Variants in C4orf50 observed in about 807,000 individuals in gnomAD.
The protein encoded by C4orf50 is uncharacterized protein C4orf50.
C4orf50 carries 80 observed loss-of-function variants against 77.2 expected under a neutral mutation model. The ratio of observed to expected loss-of-function variants is 1.04; its 90% CI spans 0.87 to 1.25. The LOEUF (loss-of-function observed/expected upper bound fraction) is 1.25, where lower values mean the gene tolerates loss of function less well. Ranked by LOEUF, C4orf50 falls within the 50% of genes most tolerant of loss-of-function variation. The pLI, the probability that C4orf50 is intolerant of heterozygous loss-of-function variation, is 0.00. For synonymous variants in C4orf50, 532 were observed against 465.3 expected (o/e 1.14, Z -1.84); for missense variants, 1,257 against 1,152.9 (o/e 1.09, Z -1.31).
At chr4:5,973,536 G>T in intron 31 of C4orf50, 123 bp downstream of exon 9, 1 of 826,202 alleles carries the variant, frequency 1.2e-6, no homozygotes, top group Non-Finnish European at 2.0e-6. Flanking sequence ...GTGTCTTCTT[G>T]GGTAGTGTCC....
chr4:5,954,946 G>A (rs189858159), downstream of C4orf50, among the ~76,000 whole-genome samples: 163 of 152,128 alleles, frequency 1.1e-3, no homozygotes, highest in Non-Finnish European at 1.7e-3. The surrounding 1 kb of genome is among the most constrained non-coding windows in gnomAD (Gnocchi z 4.7). Context: ...GAAACCTCTG[G>A]ACAGGCTCGT....
chr4:6,014,972 G>T lies in C4orf50; in HGVS notation c.288-3004C>A, dbSNP rs188648525. On this transcript the variant is annotated intron_variant, in intron 23 of 33. Coordinates refer to ENST00000531445, the Ensembl canonical transcript of C4orf50. The stretch of plus-strand genomic sequence containing the variant: ...CTGTCTTTCCCTCCCCCATGGAGGG[G>T]TCTCCTTTGGTTGGAGTTCCCTGCC... Among the ~76,000 whole-genome samples, 646 of 152,318 alleles carry T rather than the reference G, an allele frequency of 4.2e-3. 5 individuals are homozygous for T. Among genetic ancestry groups the T allele is most frequent in the South Asian group, 0.017 (84 of 4,820 alleles).
In C4orf50 at chr4:6,015,334, G is replaced by C. The variant is rs1444749681; in HGVS notation, c.287+2811C>G. On this transcript the variant is annotated intron_variant, in intron 23 of 33. Transcript: ENST00000531445. The surrounding 1 kb of genome is among the most constrained non-coding windows in gnomAD (Gnocchi z 4.4). ...AGAGGAGGACACAGACACACACAGA[G>C]GGATGACCATGTGACGACACAGGGA... is the stretch of plus-strand genomic sequence containing the variant. Among the ~76,000 whole-genome samples, 3 of 152,166 alleles carry C rather than the reference G, an allele frequency of 2.0e-5. No homozygotes were observed. Among genetic ancestry groups the C allele is most frequent in the Admixed American group, 6.5e-5 (1 of 15,276 alleles).
intron 7 of C4orf50, among the ~76,000 whole-genome samples, chr4:5,941,707 C>T (rs765491535): frequency 8.5e-5 from 13 of 152,158 alleles, no homozygotes; most frequent in African/African-American, 3.1e-4. Flanking sequence ...CACATTCTCT[C>T]CTATTTTCCT....
At chr4:5,939,774 C>T (rs550512067) in intron 7 of C4orf50, among the ~76,000 whole-genome samples, 47 of 152,268 alleles carry the variant, frequency 3.1e-4, no homozygotes, top group South Asian at 6.2e-4. Context: ...TGTCCCCAGA[C>T]TGCAGAAAAC....
At chr4:5,941,137 C>G (rs1333770122) in intron 7 of C4orf50, among the ~76,000 whole-genome samples, 1 of 152,194 alleles carries the variant, frequency 6.6e-6, no homozygotes, top group Non-Finnish European at 1.5e-5. Flanking sequence ...CTTCTTTCTT[C>G]TAATTAATAA....
In C4orf50 at chr4:5,909,905, C is replaced by T. The variant is rs28505025; in HGVS notation, c.*2475-11717G>A. Among the ~76,000 whole-genome samples, 483 of 152,240 alleles carry T rather than the reference C, an allele frequency of 3.2e-3. 4 individuals are homozygous for T. The highest frequency in any genetic ancestry group is 5.5e-3 in the Non-Finnish European group (373 of 68,014). On this transcript the variant is annotated intron_variant, in intron 7 of 7. Transcript: ENST00000324058. The stretch of plus-strand genomic sequence containing the variant: ...CCAGTACATACTGTTTTGGTTACCA[C>T]GGTTTTGTAGTATATTTTGAAGTCA...
chr4:5,989,812 G>C (rs1483207519), exon 28 of C4orf50: 9 of 1,495,372 alleles, frequency 6.0e-6, no homozygotes, highest in Non-Finnish European at 7.1e-6. Flanking sequence ...CTCCTCGGGG[G>C]CACCCCTGCA....
At chr4:5,981,244 C>G (rs6846699) in intron 28 of C4orf50, among the ~76,000 whole-genome samples, 16,650 of 152,048 alleles carry the variant, frequency 0.11, 1,179 homozygotes, top group African/African-American at 0.2. Flanking sequence ...AGTATATACG[C>G]AGCCTCCTGT....
Position 5,998,417 on chromosome 4 carries a change from G to A in C4orf50, c.964-3941C>T, listed in dbSNP as rs562059858. On this transcript the variant is annotated intron_variant, in intron 25 of 33. Transcript: ENST00000531445. ...CTTGCTGCTGGAGAGAGAAACAAAT[G>A]TGTAATACCCTGCTCTGCACAAAAG... Among the ~76,000 whole-genome samples, 9 of 152,288 alleles carry A rather than the reference G, an allele frequency of 5.9e-5. No individual in the cohort carries two copies. The South Asian group carries it at 1.9e-3, about 32-fold the overall frequency.
intron 7 of C4orf50, among the ~76,000 whole-genome samples, chr4:5,946,790 T>C (rs1718499543): frequency 6.6e-6 from 1 of 152,270 alleles, no homozygotes. Flanking sequence ...TAAAAATTGC[T>C]TCCCTCCTTT....
chr4:5,964,915 T>G, intron 33 of C4orf50, 109 bp downstream of exon 11: 1 of 953,444 alleles, frequency 1.0e-6, no homozygotes. Flanking sequence ...CTTGACCTGG[T>G]GGTGGCTTTC....
rs1720903796 is a variant in C4orf50 at position 5,987,118 on chromosome 4, G to T, written c.3699+1229C>A. Among the ~76,000 whole-genome samples the T allele has an allele frequency of 2.0e-5, 3 of 152,038 alleles. No homozygotes were observed. In the South Asian group the frequency reaches 6.2e-4, roughly 32 times the overall value. On this transcript the variant is annotated intron_variant, in intron 28 of 33. Coordinates refer to ENST00000531445, the Ensembl canonical transcript of C4orf50. The stretch of plus-strand genomic sequence containing the variant: ...TTAAATCAAAAGAAAGTGGGAGAAA[G>T]AATATAATAAGGCCTCGTACGGTGG...
At chr4:5,982,251 G>C (rs1378595960) in intron 28 of C4orf50, among the ~76,000 whole-genome samples, 1 of 152,040 alleles carries the variant, frequency 6.6e-6, no homozygotes, top group Non-Finnish European at 1.5e-5. Flanking sequence ...TCGTCTCATG[G>C]GTCCTCAGAG....
chr4:5,975,343 G>C (rs13137971), intron 30 of C4orf50, among the ~76,000 whole-genome samples: 36,103 of 151,728 alleles, frequency 0.24, 4,470 homozygotes, highest in Middle Eastern at 0.28. Flanking sequence ...CCACCTCCTA[G>C]GTCACCCCAT....
At chr4:5,959,269 T>C (rs969903480) in exon 34 of C4orf50, 8 of 1,342,330 alleles carry the variant, frequency 6.0e-6, no homozygotes, top group Non-Finnish European at 8.2e-6. Context: ...CACTTGCCAC[T>C]AAATGAGGGC....
At position 5,932,053 on chromosome 4, in the gene C4orf50, GCCCCCCA is replaced by G. The variant is rs1717792437; in HGVS notation, c.*2474+24841_*2474+24847del. Among the ~76,000 whole-genome samples, 1 of 58,012 alleles carries G rather than the reference GCCCCCCA, an allele frequency of 1.7e-5. No individual in the cohort carries two copies. The highest frequency in any genetic ancestry group is 2.2e-4 in the Admixed American group (1 of 4,448). The allele number at this position is 58,012 out of a possible 152,430, so 38.1% of individuals were successfully genotyped here. A position where few individuals can be genotyped will look rare whatever the true frequency, so the allele number is the denominator to read the frequency against. ...GCTAAGCTCTTCCCAACGCCCCCCC[GCCCCCCA>G]CCCCTGCCAACTGTCTCTAATTTCC... On this transcript the variant is annotated intron_variant, in intron 7 of 7. Transcript: ENST00000324058. The surrounding 1 kb of genome is among the most constrained non-coding windows in gnomAD (Gnocchi z 4.2).
chr4:5,953,180 G>A (rs1310172063), downstream of C4orf50, among the ~76,000 whole-genome samples: 1 of 152,122 alleles, frequency 6.6e-6, no homozygotes, highest in Non-Finnish European at 1.5e-5. Flanking sequence ...CATGGAGCGG[G>A]CCTGAATCCC....
chr4:5,988,912 G>T (rs897918949), exon 28 of C4orf50: 2 of 1,535,976 alleles, frequency 1.3e-6, no homozygotes, highest in Non-Finnish European at 1.7e-6. Flanking sequence ...TTGCTCCATC[G>T]TGTCTTTGGA....
Sources: allele counts gnomAD v4.1 joint callset (sites outside exome capture counted in the v4.1 genomes callset), GRCh38; gene constraint gnomAD v4.1.1; non-coding constraint Gnocchi (gnomAD v3.1); transcripts MANE v1.5; gene names NCBI Gene and HGNC (gene_info 2026-07-23, HGNC 2026-07-21).